The following KCNIP3 variants were observed in gnomAD, a reference collection of about 807,000 sequenced individuals.
KCNIP3 encodes the protein calsenilin.
KCNIP3 carries 28 observed loss-of-function variants against 35.0 expected under a neutral mutation model. That is an observed-to-expected ratio of 0.80 (90% CI 0.59 to 1.10). KCNIP3 has a LOEUF of 1.10. Among genes scored for constraint, KCNIP3 ranks in the 50% least tolerant of loss-of-function variants. The probability of loss-of-function intolerance (pLI) is 0.00; values close to 1 mark genes in which losing one functional copy is unlikely to be tolerated. For missense variants in KCNIP3, 295 were observed against 338.4 expected, an observed-to-expected ratio of 0.87 and a Z score of 1.01; for synonymous variants, 134 against 133.8, an observed-to-expected ratio of 1.00 and a Z score of -0.01.
chr2:95,374,351 G>A lies in KCNIP3; in HGVS notation c.237G>A (p.Leu79=). 1.2e-6 allele frequency: 2 copies of A among 1,614,182 alleles called. No individual in the cohort carries two copies. Among genetic ancestry groups the A allele is most frequent in the South Asian group, 1.1e-5 (1 of 91,086 alleles). The change falls in exon 3 of 9, where the codon CTG becomes CTA. Residue 79 remains leucine (L), a synonymous_variant. Coordinates refer to ENST00000295225, the MANE Select transcript of KCNIP3 (RefSeq NM_013434.5). The part of the protein sequence containing the change: ...LSTVRHQPEG[L]DQLQAQTKFT... The stretch of plus-strand genomic sequence containing the variant: ...CGGTGCGCCACCAGCCAGAGGGGCT[G>A]GACCAGCTGCAGGCCCAGACCAAGT...
intron 1 of KCNIP3, among the ~76,000 whole-genome samples, chr2:95,309,428 CT>C (rs397734932): frequency 6.4e-4 from 90 of 140,728 alleles, no homozygotes; most frequent in East Asian, 1.5e-3. Context: ...TGGCCCACTG[CT>C]TTTTTTTTTT....
chr2:95,356,801 C>T, intron 2 of KCNIP3, among the ~76,000 whole-genome samples: 1 of 152,200 alleles, frequency 6.6e-6, no homozygotes, highest in Non-Finnish European at 1.5e-5. Context: ...GGAGGAGGCA[C>T]TTTTGGAGTG....
intron 2 of KCNIP3, among the ~76,000 whole-genome samples, chr2:95,323,462 C>G (rs182766254): frequency 6.6e-6 from 1 of 152,298 alleles, no homozygotes; most frequent in East Asian, 1.9e-4. Context: ...CACAATCTTC[C>G]AGGCTGGAGC....
At chr2:95,298,604 A>AAC (rs1329903379) in intron 1 of KCNIP3, 1 of 152,286 alleles carries the variant, frequency 6.6e-6, no homozygotes, top group Non-Finnish European at 1.5e-5. Context: ...CAAGCATCCA[A>AAC]GCATGGGCGG....
At chr2:95,374,552 C>CG in intron 3 of KCNIP3, 132 bp downstream of exon 3, 1 of 1,181,228 alleles carries the variant, frequency 8.5e-7, no homozygotes, top group Non-Finnish European at 1.2e-6. Flanking sequence ...AGCTGTGTGG[C>CG]GGGGGCAGGC....
At chr2:95,333,909 A>G (rs1678992818) in intron 2 of KCNIP3, among the ~76,000 whole-genome samples, 1 of 152,126 alleles carries the variant, frequency 6.6e-6, no homozygotes, top group East Asian at 1.9e-4. Context: ...TTCCCAAGTC[A>G]TTCGTCTGCA....
chr2:95,335,474 C>T (rs1237854001), intron 2 of KCNIP3, among the ~76,000 whole-genome samples: 1 of 152,142 alleles, frequency 6.6e-6, no homozygotes. Context: ...TGTTATTTCT[C>T]TGAGTACAAT....
intron 2 of KCNIP3, among the ~76,000 whole-genome samples, chr2:95,363,452 G>A (rs755027973): frequency 1.2e-4 from 18 of 152,008 alleles, no homozygotes; most frequent in Non-Finnish European, 2.2e-4. Context: ...TTGTTGGTAC[G>A]TTTGTCTGTT....
intron 2 of KCNIP3, among the ~76,000 whole-genome samples, chr2:95,317,514 C>A (rs1007377893): frequency 1.3e-5 from 2 of 152,118 alleles, no homozygotes; most frequent in African/African-American, 4.8e-5. Context: ...CTCTGGCTGC[C>A]CCGGGGCTCT....
At chr2:95,361,267 G>C (rs1221507742) in intron 2 of KCNIP3, among the ~76,000 whole-genome samples, 1 of 152,078 alleles carries the variant, frequency 6.6e-6, no homozygotes, top group African/African-American at 2.4e-5. Flanking sequence ...CTGTTTCCCA[G>C]GTCAGAAATG....
intron 2 of KCNIP3, among the ~76,000 whole-genome samples, chr2:95,370,370 G>A (rs1237773239): frequency 5.3e-5 from 8 of 152,198 alleles, no homozygotes; most frequent in African/African-American, 9.7e-5. Context: ...TAGAGCATGC[G>A]CTTACTCAAG....
At chr2:95,367,321 CT>C (rs1248190064) in intron 2 of KCNIP3, among the ~76,000 whole-genome samples, 2 of 151,998 alleles carry the variant, frequency 1.3e-5, no homozygotes, top group African/African-American at 4.8e-5. Context: ...TATCTTTATT[CT>C]TCTTTCACAA....
At chr2:95,310,303 G>T in intron 1 of KCNIP3, 52 bp from the exon 2 acceptor site, 1 of 1,610,602 alleles carries the variant, frequency 6.2e-7, no homozygotes, top group Admixed American at 1.7e-5. Flanking sequence ...ACCATCCAGG[G>T]GTCCCCCCTC....
intron 2 of KCNIP3, among the ~76,000 whole-genome samples, chr2:95,326,519 C>T (rs769209112): frequency 9.2e-5 from 14 of 152,238 alleles, no homozygotes; most frequent in Non-Finnish European, 2.1e-4. Context: ...TGTAACTGGA[C>T]CGGCCTGCCG....
At chr2:95,326,217 ACT>A (rs1388625840) in intron 2 of KCNIP3, among the ~76,000 whole-genome samples, 4 of 149,900 alleles carry the variant, frequency 2.7e-5, no homozygotes, top group African/African-American at 5.0e-5. Flanking sequence ...ATACACACAC[ACT>A]CATACACATA....
intron 1 of KCNIP3, among the ~76,000 whole-genome samples, chr2:95,307,991 T>C (rs1558758092): frequency 6.6e-6 from 1 of 152,180 alleles, no homozygotes; most frequent in Non-Finnish European, 1.5e-5. Flanking sequence ...TGACAGGACG[T>C]GTGTGTGCAT....
chr2:95,316,455 A>G lies in KCNIP3; in HGVS notation c.181+5935A>G, dbSNP rs945820890. 4.3e-4 allele frequency among the ~76,000 whole-genome samples: 66 copies of G among 152,228 alleles called. 2 individuals carry two copies. The highest frequency in any genetic ancestry group is 2.2e-4 in the Non-Finnish European group (15 of 68,042). Reference sequence around the variant, plus strand: ...GATCAAGACAGGTGCATCGGCTCCTATATGGGAAACATGGGGTGAGGCGGT... The same window carrying G: ...GATCAAGACAGGTGCATCGGCTCCTGTATGGGAAACATGGGGTGAGGCGGT... On this transcript the variant is annotated intron_variant, in intron 2 of 8. Transcript: ENST00000295225.
At position 95,310,510 on chromosome 2, in the gene KCNIP3, A is replaced by T. The variant is rs1446082670; in HGVS notation, c.171A>T (p.Pro57=). The T allele has an allele frequency of 6.3e-7, 1 of 1,590,682 alleles. No homozygotes were observed. Among genetic ancestry groups the T allele is most frequent in the Non-Finnish European group, 8.6e-7 (1 of 1,166,282 alleles). The change falls in exon 2 of 9, where the codon CCA becomes CCT. Residue 57 remains proline, a synonymous_variant. Coordinates refer to ENST00000295225, the MANE Select transcript of KCNIP3 (RefSeq NM_013434.5). ...LVKWILSSTA[P]QGSDSSDSEL... is the part of the protein sequence containing the mutation. ...AGTGGATCCTGTCCAGCACAGCCCC[A>T]CAGGGCTCAGGTAGGGGCCAGGGTG...
At chr2:95,318,177 C>T (rs1291886491) in intron 2 of KCNIP3, among the ~76,000 whole-genome samples, 3 of 152,098 alleles carry the variant, frequency 2.0e-5, no homozygotes, top group Non-Finnish European at 4.4e-5. Context: ...ATCCCCCACT[C>T]ATGGGCCCAG....
Sources: gnomAD v4.1 joint callset for allele counts (sites outside exome capture counted in the v4.1 genomes callset) on GRCh38, gnomAD v4.1.1 for gene constraint, MANE v1.5 for transcripts, NCBI Gene and HGNC (gene_info 2026-07-23, HGNC 2026-07-21) for gene names.